TEX11: variants seen among roughly 807,000 people sequenced by gnomAD.
TEX11 encodes the protein testis-expressed protein 11.
In TEX11, 7 loss-of-function variants were observed where a neutral mutation model predicts 84.4. The observed-to-expected ratio is 0.08, with a 90% confidence interval of 0.05 to 0.16. The LOEUF is 0.16. Among genes scored for constraint, TEX11 ranks in the 10% least tolerant of loss-of-function variants. The pLI, the probability that TEX11 is intolerant of heterozygous loss-of-function variation, is 1.00. For synonymous variants in TEX11, 264 were observed against 222.8 expected (o/e 1.18, Z -1.64); for missense variants, 551 against 660.5 (o/e 0.83, Z 1.82).
At chrX:70,891,694 A>G (rs2091739083) in intron 2 of TEX11, among the ~76,000 whole-genome samples, 1 of 111,526 alleles carries the variant, frequency 9.0e-6, no homozygotes, top group Admixed American at 9.6e-5. Context: ...AAAAGAGTGA[A>G]AAGGAATGAA....
intron 15 of TEX11, among the ~76,000 whole-genome samples, chrX:70,677,308 A>T (rs918154320): frequency 1.2e-4 from 13 of 111,151 alleles, no homozygotes; most frequent in Non-Finnish European, 1.9e-5. Flanking sequence ...CTGAGACAAG[A>T]CCCTTCTGAG....
intron 9 of TEX11, among the ~76,000 whole-genome samples, chrX:70,768,406 C>T (rs759864342): frequency 3.4e-4 from 38 of 111,403 alleles, no homozygotes; most frequent in Non-Finnish European, 5.3e-4. Flanking sequence ...TAATAGACAT[C>T]GGTAGCGCAC....
chrX:70,639,737 A>G (rs1316617076), intron 17 of TEX11, among the ~76,000 whole-genome samples: 1 of 111,899 alleles, frequency 8.9e-6, no homozygotes, highest in African/African-American at 3.3e-5. Flanking sequence ...ACTAACAAAC[A>G]GAAAGGACAT....
intron 25 of TEX11, among the ~76,000 whole-genome samples, chrX:70,563,294 C>A (rs959205502): frequency 8.9e-6 from 1 of 111,850 alleles, no homozygotes; most frequent in African/African-American, 3.2e-5. Context: ...TGTTCTGATT[C>A]ACAATCCACT....
chrX:70,710,128 A>T (rs1229725208), intron 13 of TEX11, among the ~76,000 whole-genome samples: 2 of 111,388 alleles, frequency 1.8e-5, no homozygotes, highest in African/African-American at 3.3e-5. Flanking sequence ...AGCATCAAAA[A>T]AAAAGGGGGG....
chrX:70,714,235 G>A (rs891548836), intron 13 of TEX11, among the ~76,000 whole-genome samples: 7 of 111,229 alleles, frequency 6.3e-5, no homozygotes, highest in Middle Eastern at 4.6e-3. Context: ...TTTGGAATAG[G>A]TGTGGTGTGG....
At chrX:70,809,095 C>G (rs2091237463) in intron 8 of TEX11, among the ~76,000 whole-genome samples, 1 of 111,861 alleles carries the variant, frequency 8.9e-6, no homozygotes, top group Admixed American at 9.6e-5. Context: ...GATAACTGAA[C>G]AGGATGCTTA....
chrX:70,626,039 C>T (rs1380888514), intron 18 of TEX11, among the ~76,000 whole-genome samples: 3 of 111,187 alleles, frequency 2.7e-5, no homozygotes, highest in African/African-American at 9.8e-5. Flanking sequence ...TGAGCCACTG[C>T]GCGCGGCATA....
At chrX:70,540,312 A>G (rs1456206022) in intron 28 of TEX11, among the ~76,000 whole-genome samples, 1 of 111,896 alleles carries the variant, frequency 8.9e-6, no homozygotes, top group Non-Finnish European at 1.9e-5. Flanking sequence ...CATCTTAATC[A>G]TTTTAAGTGA....
the TEX11 span, among the ~76,000 whole-genome samples, chrX:70,517,713 G>T: frequency 9.0e-6 from 1 of 111,289 alleles, no homozygotes; most frequent in Non-Finnish European, 1.9e-5. Context: ...GCTCCTTTTT[G>T]TACCTCTCAT....
intron 7 of TEX11, among the ~76,000 whole-genome samples, chrX:70,839,649 T>A (rs1284085459): frequency 8.9e-6 from 1 of 111,895 alleles, no homozygotes; most frequent in African/African-American, 3.3e-5. Flanking sequence ...AGAATGACTT[T>A]GACGAGCTGA....
intron 20 of TEX11, among the ~76,000 whole-genome samples, chrX:70,611,686 A>G (rs2089263084): frequency 9.0e-6 from 1 of 111,516 alleles, no homozygotes. Flanking sequence ...TCTGGGGTAT[A>G]TCAGAGCCTA....
intron 11 of TEX11, among the ~76,000 whole-genome samples, chrX:70,730,929 A>G (rs2090643700): frequency 8.9e-6 from 1 of 112,166 alleles, no homozygotes; most frequent in Non-Finnish European, 1.9e-5. Flanking sequence ...CAAATGTAAA[A>G]CAACAGAAAT....
intron 9 of TEX11, among the ~76,000 whole-genome samples, chrX:70,780,449 G>A (rs2091031254): frequency 8.9e-6 from 1 of 112,471 alleles, no homozygotes; most frequent in Admixed American, 9.4e-5. Flanking sequence ...ATCTCATTGG[G>A]ACTGGTTGGA....
At chrX:70,750,933 A>AAAAAAATATATATATAT (rs1390175136) in intron 9 of TEX11, among the ~76,000 whole-genome samples, 1 of 28,187 alleles carries the variant, frequency 3.5e-5, no homozygotes, top group Non-Finnish European at 7.0e-5. Context: ...AAAAAAAAAA[A>AAAAAAATATATATATAT]ATATATATAT....
intron 25 of TEX11, among the ~76,000 whole-genome samples, chrX:70,584,590 C>CATGTAGCCAAATGTAG (rs1408816413): frequency 1.8e-5 from 2 of 111,001 alleles, no homozygotes; most frequent in African/African-American, 6.5e-5. Flanking sequence ...ATGTAGACAT[C>CATGTAGCCAAATGTAG]ACAAGAAAAG....
Position 70,624,941 on chromosome X carries a change from T to A in TEX11, c.1609-17A>T. The A allele has an allele frequency of 9.0e-7, 1 of 1,108,256 alleles. No individual in the cohort carries two copies. The highest frequency in any genetic ancestry group is 1.2e-6 in the Non-Finnish European group (1 of 807,617). The allele number at this position is 1,108,256 out of a possible 1,213,427, so 91.3% of individuals were successfully genotyped here. ...TTGTCCATTCTAAAAAGAACAAATATAATACGTTAAATTACATCTCAAAGT... is the reference window on the plus strand; with the variant it reads ...TTGTCCATTCTAAAAAGAACAAATAAAATACGTTAAATTACATCTCAAAGT... On this transcript the variant is annotated splice_polypyrimidine_tract_variant and intron_variant, in intron 18 of 29. Coordinates refer to ENST00000374333, the MANE Select transcript of TEX11 (RefSeq NM_031276.3).
intron 9 of TEX11, among the ~76,000 whole-genome samples, chrX:70,756,089 G>A (rs185281114): frequency 3.6e-5 from 4 of 111,942 alleles, no homozygotes; most frequent in East Asian, 5.7e-4. Context: ...TGTGCTCACC[G>A]TGAAAACAAA....
chrX:70,743,895 C>CACAT (rs2090750399), intron 10 of TEX11, among the ~76,000 whole-genome samples: 2 of 108,398 alleles, frequency 1.8e-5, no homozygotes, highest in Non-Finnish European at 3.8e-5. Context: ...CACACACACA[C>CACAT]ACACACACAC....
Sources: allele counts gnomAD v4.1 joint callset (sites outside exome capture counted in the v4.1 genomes callset), GRCh38; gene constraint gnomAD v4.1.1; transcripts MANE v1.5; gene names NCBI Gene and HGNC (gene_info 2026-07-23, HGNC 2026-07-21).